The following CUL3 variants were observed in gnomAD, a reference collection of about 807,000 sequenced individuals.
CUL3 encodes cullin 3.
A neutral mutation model predicts 89.1 loss-of-function variants in CUL3; 19 were observed. That is an observed-to-expected ratio of 0.21 (90% CI 0.15 to 0.31). CUL3 has a LOEUF of 0.31. Among genes scored for constraint, CUL3 ranks in the 10% least tolerant of loss-of-function variants. The pLI, the probability that CUL3 is intolerant of heterozygous loss-of-function variation, is 1.00. For synonymous variants in CUL3, 351 were observed against 308.4 expected, an observed-to-expected ratio of 1.14 and a Z score of -1.45; for missense variants, 469 against 942.3, an observed-to-expected ratio of 0.50 and a Z score of 6.58.
chr2:224,477,506 C>G (rs541565322), intron 15 of CUL3, among the ~76,000 whole-genome samples: 1 of 152,306 alleles, frequency 6.6e-6, no homozygotes, highest in East Asian at 1.9e-4. Context: ...AACTTCTAGC[C>G]CTCATGTCTA....
chr2:224,573,309 C>T (rs1283193580), intron 1 of CUL3, among the ~76,000 whole-genome samples: 2 of 152,060 alleles, frequency 1.3e-5, no homozygotes, highest in East Asian at 3.9e-4. Context: ...GTGTCGTCGG[C>T]CTTACAATTT....
intron 5 of CUL3, among the ~76,000 whole-genome samples, chr2:224,512,274 T>C (rs527643478): frequency 1.3e-5 from 2 of 152,110 alleles, no homozygotes; most frequent in African/African-American, 4.8e-5. Flanking sequence ...TTTTTTGTAT[T>C]TTTAGTAGAA....
At chr2:224,543,994 A>G (rs548420834) in intron 2 of CUL3, among the ~76,000 whole-genome samples, 1 of 152,126 alleles carries the variant, frequency 6.6e-6, no homozygotes, top group Non-Finnish European at 1.5e-5. Context: ...ATTTCAAAAA[A>G]AAAAAGAAAA....
chr2:224,584,924 G>C lies in CUL3; in HGVS notation c.66+20C>G, dbSNP rs1238846392. The C allele has an allele frequency of 6.9e-7, 1 of 1,459,772 alleles. No homozygotes were observed. The highest frequency in any genetic ancestry group is 9.2e-7 in the Non-Finnish European group (1 of 1,092,552). The allele number at this position is 1,459,772 out of a possible 1,614,324, so 90.4% of individuals were successfully genotyped here. A position where few individuals can be genotyped will look rare whatever the true frequency, so the allele number is the denominator to read the frequency against. On this transcript the variant is annotated intron_variant, in intron 1 of 15. Coordinates refer to ENST00000264414, the MANE Select transcript of CUL3 (RefSeq NM_003590.5). ...CCCGGCCCCCGGCCCCGGGGTCCCGGACGCCGAGGAGAGACTCACCGGAAA... is the reference window on the plus strand; with the variant it reads ...CCCGGCCCCCGGCCCCGGGGTCCCGCACGCCGAGGAGAGACTCACCGGAAA...
chr2:224,538,476 G>T (rs1034165173), intron 2 of CUL3, among the ~76,000 whole-genome samples: 3 of 152,120 alleles, frequency 2.0e-5, no homozygotes, highest in Non-Finnish European at 2.9e-5. Flanking sequence ...AGCAAGCATG[G>T]GAAATATGGT....
chr2:224,481,799 G>T, intron 14 of CUL3, 93 bp downstream of exon 14: 1 of 832,208 alleles, frequency 1.2e-6, no homozygotes, highest in Non-Finnish European at 1.7e-6. Flanking sequence ...CACCAGAAAA[G>T]GAGTATTTTT....
At position 224,585,061 on chromosome 2, in the gene CUL3, G is replaced by A. The variant is rs764414192; in HGVS notation, c.-52C>T. The A allele has an allele frequency of 1.4e-6, 2 of 1,419,050 alleles. No individual in the cohort carries two copies. Among genetic ancestry groups the A allele is most frequent in the South Asian group, 1.3e-5 (1 of 79,880 alleles). The allele number at this position is 1,419,050 out of a possible 1,614,324, so 87.9% of individuals were successfully genotyped here. A position where few individuals can be genotyped will look rare whatever the true frequency, so the allele number is the denominator to read the frequency against. On this transcript the variant is annotated 5_prime_UTR_variant, in exon 1 of 16. Coordinates refer to ENST00000264414, the MANE Select transcript of CUL3 (RefSeq NM_003590.5). ...CTTCAGGTCGCGCTCCGCGACGCCG[G>A]TGTCACATTTAAGGCGGGCAGGCAG...
At chr2:224,584,454 T>C (rs182392422) in intron 1 of CUL3, among the ~76,000 whole-genome samples, 49 of 152,238 alleles carry the variant, frequency 3.2e-4, no homozygotes, top group South Asian at 1.2e-3. Context: ...GTTGATGGCA[T>C]AGACCTTCCT....
chr2:224,583,485 T>C (rs1320591410), intron 1 of CUL3, among the ~76,000 whole-genome samples: 2 of 152,208 alleles, frequency 1.3e-5, no homozygotes, highest in Non-Finnish European at 2.9e-5. Flanking sequence ...ATAACCCAGC[T>C]CTGCCCAATT....
intron 1 of CUL3, among the ~76,000 whole-genome samples, chr2:224,561,270 G>A (rs960166976): frequency 6.6e-6 from 1 of 152,086 alleles, no homozygotes; most frequent in African/African-American, 2.4e-5. Context: ...GCTAATATAT[G>A]ACTAATGACC....
Position 224,585,290 on chromosome 2 carries a change from A to T in CUL3, c.-281T>A, listed in dbSNP as rs1238301625. The T allele has an allele frequency of 1.0e-5, 4 of 398,448 alleles. No individual in the cohort carries two copies. Among genetic ancestry groups the T allele is most frequent in the Non-Finnish European group, 1.8e-5 (4 of 228,042 alleles). The allele number at this position is 398,448 out of a possible 1,614,324, so 24.7% of individuals were successfully genotyped here. ...CCTCACGTCCGGCTCGGCTCCCTTT[A>T]TCGCGCTCCTCCGCGATGGCGGCGG... On this transcript the variant is annotated 5_prime_UTR_variant, in exon 1 of 16. An upstream open reading frame in the 5' UTR loses its in-frame stop. Coordinates refer to ENST00000264414, the MANE Select transcript of CUL3 (RefSeq NM_003590.5).
At chr2:224,544,125 T>C (rs1326711795) in intron 2 of CUL3, among the ~76,000 whole-genome samples, 1 of 152,230 alleles carries the variant, frequency 6.6e-6, no homozygotes, top group African/African-American at 2.4e-5. Flanking sequence ...CTGTAGCACC[T>C]CTTTACCTGT....
At chr2:224,493,507 C>T (rs1401508687) in intron 13 of CUL3, among the ~76,000 whole-genome samples, 1 of 152,196 alleles carries the variant, frequency 6.6e-6, no homozygotes, top group Non-Finnish European at 1.5e-5. Context: ...TCAGTTTCTG[C>T]TTTGTGACTT....
At chr2:224,515,883 G>A (rs532999491) in intron 3 of CUL3, among the ~76,000 whole-genome samples, 3 of 151,982 alleles carry the variant, frequency 2.0e-5, no homozygotes, top group South Asian at 4.2e-4. Flanking sequence ...TTGTGGAGAC[G>A]GGGTTTCATC....
At chr2:224,552,533 C>T (rs528455051) in intron 2 of CUL3, among the ~76,000 whole-genome samples, 1 of 152,338 alleles carries the variant, frequency 6.6e-6, no homozygotes, top group East Asian at 1.9e-4. Context: ...TCAGCTACAA[C>T]AATCCCAAAG....
At chr2:224,491,763 T>C (rs1691991490) in intron 13 of CUL3, among the ~76,000 whole-genome samples, 1 of 152,192 alleles carries the variant, frequency 6.6e-6, no homozygotes, top group South Asian at 2.1e-4. Flanking sequence ...TCCCCCACTT[T>C]TATAAGGAAT....
At chr2:224,482,289 T>TAAAAAG (rs920194947) in intron 13 of CUL3, among the ~76,000 whole-genome samples, 6 of 152,104 alleles carry the variant, frequency 3.9e-5, no homozygotes, top group African/African-American at 1.4e-4. Context: ...TATAAAATAT[T>TAAAAAG]AAAAAGACAT....
intron 13 of CUL3, among the ~76,000 whole-genome samples, chr2:224,493,326 G>A (rs1574624912): frequency 6.6e-6 from 1 of 152,248 alleles, no homozygotes; most frequent in African/African-American, 2.4e-5. Context: ...ATTTGTGGAG[G>A]TGATTTCTTT....
intron 1 of CUL3, among the ~76,000 whole-genome samples, chr2:224,575,050 G>C (rs890207985): frequency 7.2e-5 from 11 of 152,336 alleles, no homozygotes; most frequent in Admixed American, 6.5e-4. Context: ...TTCCTTCTCT[G>C]AGACCAGAGG....
Sources: gnomAD v4.1 joint callset for allele counts (sites outside exome capture counted in the v4.1 genomes callset) on GRCh38, gnomAD v4.1.1 for gene constraint, MANE v1.5 for transcripts, NCBI Gene and HGNC (gene_info 2026-07-23, HGNC 2026-07-21) for gene names.